SMC5: variants seen among roughly 807,000 people sequenced by gnomAD.
The protein encoded by SMC5 is structural maintenance of chromosomes protein 5.
SMC5 carries 88 observed loss-of-function variants against 148.3 expected under a neutral mutation model. The ratio of observed to expected loss-of-function variants is 0.59; its 90% CI spans 0.50 to 0.71. SMC5 has a LOEUF of 0.71. Among genes scored for constraint, SMC5 ranks in the 30% least tolerant of loss-of-function variants. The probability of loss-of-function intolerance (pLI) is 0.00; values close to 1 mark genes in which losing one functional copy is unlikely to be tolerated. For synonymous variants in SMC5, 421 were observed against 432.8 expected (o/e 0.97, Z 0.34); for missense variants, 1,142 against 1,298.9 (o/e 0.88, Z 1.86).
At chr9:70,268,243 G>A (rs1055391455) in intron 3 of SMC5, among the ~76,000 whole-genome samples, 1 of 152,050 alleles carries the variant, frequency 6.6e-6, no homozygotes, top group Non-Finnish European at 1.5e-5. Context: ...ATCAGGAGTT[G>A]GAGACCAGCC....
rs1236985686 is a variant in SMC5 at position 70,259,277 on chromosome 9, A to C, written c.185+14A>C. The C allele has an allele frequency of 3.8e-6, 6 of 1,559,446 alleles. No individual in the cohort carries two copies. In the African/African-American group the frequency reaches 8.2e-5, roughly 21 times the overall value. ...GGAGAACTTCCTGTAAGTTGCCCGG[A>C]GGCCGCGCCGCGGGTGTGGAGGTGT... On this transcript the variant is annotated intron_variant, in intron 1 of 24. Coordinates refer to ENST00000361138, the MANE Select transcript of SMC5 (RefSeq NM_015110.4).
rs1587727228 is a variant in SMC5 at position 70,352,508 on chromosome 9, G to A, written c.*177G>A. 3 of 569,694 alleles carry A rather than the reference G, an allele frequency of 5.3e-6. No homozygotes were observed. The highest frequency in any genetic ancestry group is 8.7e-6 in the Non-Finnish European group (3 of 344,290). 35.3% of individuals were successfully genotyped at this position (569,694 alleles called of 1,614,324 possible). A position where few individuals can be genotyped will look rare whatever the true frequency, so the allele number is the denominator to read the frequency against. On this transcript the variant is annotated 3_prime_UTR_variant, in exon 25 of 25. Coordinates refer to ENST00000361138, the MANE Select transcript of SMC5 (RefSeq NM_015110.4). ...AATGACCTTTCCAAAATAGCAGCTG[G>A]TAGTAAAAGTTAAGTCTTCTTCAGT...
intron 8 of SMC5, among the ~76,000 whole-genome samples, chr9:70,296,525 C>T (rs981805292): frequency 1.3e-5 from 2 of 150,808 alleles, no homozygotes; most frequent in South Asian, 2.1e-4. Context: ...TGCACTCCAG[C>T]CTGGGCAACA....
chr9:70,277,869 T>C (rs1412547742), intron 4 of SMC5, among the ~76,000 whole-genome samples: 2 of 151,988 alleles, frequency 1.3e-5, no homozygotes, highest in African/African-American at 4.8e-5. Flanking sequence ...TTTATAAGTA[T>C]ACCTTCTAAA....
chr9:70,347,047 C>CGGGCAA lies in SMC5; in HGVS notation c.2569-18_2569-13dup. 6.3e-7 allele frequency: 1 copy of CGGGCAA among 1,580,126 alleles called. No homozygotes were observed. The highest frequency in any genetic ancestry group is 8.7e-7 in the Non-Finnish European group (1 of 1,150,744). ...ACTGTTTTCATTGTATCTATAATGA[C>CGGGCAA]GGGCAATTTTTTTCTTAGGTTTTCC... is the stretch of plus-strand genomic sequence containing the variant. On this transcript the variant is annotated intron_variant, in intron 19 of 24. Coordinates refer to ENST00000361138, the MANE Select transcript of SMC5 (RefSeq NM_015110.4).
In SMC5 at chr9:70,347,146, G is replaced by A. The variant is rs755428418; in HGVS notation, c.2649G>A (p.Thr883=). The change falls in exon 20 of 25, where the codon ACG becomes ACA. Residue 883 remains threonine, a synonymous_variant. Coordinates refer to ENST00000361138, the MANE Select transcript of SMC5 (RefSeq NM_015110.4). ...TEERSRASCF[T]GLNPTIVQEY... ...AAAGATCAAGAGCTTCCTGCTTCAC[G>A]GGACTGAATCCTACAGTATGCCTGT... 15 of 1,613,590 alleles carry A rather than the reference G, an allele frequency of 9.3e-6. No homozygotes were observed. The highest frequency in any genetic ancestry group is 1.2e-5 in the Non-Finnish European group (14 of 1,179,790).
chr9:70,294,452 A>G (rs1423120887), intron 8 of SMC5, among the ~76,000 whole-genome samples: 1 of 152,206 alleles, frequency 6.6e-6, no homozygotes, highest in Non-Finnish European at 1.5e-5. Context: ...CCAGTGTGAC[A>G]TAAGAAGAAA....
At chr9:70,287,620 T>C (rs998075217) in intron 8 of SMC5, among the ~76,000 whole-genome samples, 4 of 152,188 alleles carry the variant, frequency 2.6e-5, no homozygotes, top group Admixed American at 2.6e-4. Context: ...CACCCCTTTT[T>C]CTATCCCTTT....
At chr9:70,337,118 C>T (rs11142375) in intron 17 of SMC5, among the ~76,000 whole-genome samples, 13,241 of 152,156 alleles carry the variant, frequency 0.087, 632 homozygotes, top group African/African-American at 0.14. Context: ...AGGTCCCTGC[C>T]ACAACACGTG....
At chr9:70,268,022 G>C (rs996142472) in intron 3 of SMC5, 47 bp downstream of exon 3, 2 of 1,438,964 alleles carry the variant, frequency 1.4e-6, no homozygotes, top group East Asian at 2.3e-5. Context: ...AAAATTCTTA[G>C]TTTATATTCA....
intron 1 of SMC5, among the ~76,000 whole-genome samples, chr9:70,262,015 G>A (rs1004767787): frequency 1.3e-5 from 2 of 152,210 alleles, no homozygotes; most frequent in African/African-American, 4.8e-5. Flanking sequence ...AAGGTAGCTG[G>A]AAGTGCAGAG....
Position 70,277,432 on chromosome 9 carries a change from T to C in SMC5, c.503T>C (p.Leu168Ser). ...ATAGTGGAAGAGAAAGTTGCAGCCT[T>C]AAATATTCAAGTGGGGAATCTTTGC... ...QKIVEEKVAA[L>S]NIQVGNLCQF... Residue 168 changes from leucine (L) to serine (S), a missense_variant, in exon 4 of 25, where the codon TTA becomes TCA. Physicochemically the swap from Leu to Ser is moderately radical, Grantham distance 145. Transcript: ENST00000361138. The C allele has an allele frequency of 6.2e-7, 1 of 1,600,874 alleles. No homozygotes were observed. Among genetic ancestry groups the C allele is most frequent in the Non-Finnish European group, 8.5e-7 (1 of 1,174,480 alleles).
At chr9:70,277,267 A>T (rs552208885) in intron 3 of SMC5, 43 bp from the exon 4 acceptor site, 7 of 1,327,490 alleles carry the variant, frequency 5.3e-6, no homozygotes, top group Non-Finnish European at 7.0e-6. Context: ...AAACTAATGT[A>T]TATATTTTGA....
chr9:70,297,424 A>G (rs545494943), intron 8 of SMC5, among the ~76,000 whole-genome samples: 7 of 152,348 alleles, frequency 4.6e-5, no homozygotes, highest in South Asian at 2.1e-4. Flanking sequence ...AAAAACTGAC[A>G]TACAACTAAT....
intron 1 of SMC5, among the ~76,000 whole-genome samples, chr9:70,260,296 G>A (rs1479840556): frequency 6.6e-6 from 1 of 152,098 alleles, no homozygotes; most frequent in Non-Finnish European, 1.5e-5. Flanking sequence ...TAGTAGACTC[G>A]CGGTTTCACC....
chr9:70,296,281 T>C (rs913582864), intron 8 of SMC5, among the ~76,000 whole-genome samples: 1 of 152,146 alleles, frequency 6.6e-6, no homozygotes, highest in Non-Finnish European at 1.5e-5. Context: ...AAAGAATATA[T>C]ATTCTACAGG....
At chr9:70,308,890 TC>T (rs766940330) in intron 11 of SMC5, among the ~76,000 whole-genome samples, 2 of 152,148 alleles carry the variant, frequency 1.3e-5, no homozygotes, top group Non-Finnish European at 2.9e-5. Flanking sequence ...TACATTGAAT[TC>T]TAGTACAGAC....
chr9:70,338,166 G>A (rs2036416039), intron 17 of SMC5, among the ~76,000 whole-genome samples: 1 of 151,884 alleles, frequency 6.6e-6, no homozygotes, highest in African/African-American at 2.4e-5. Context: ...ACAGGTGCAT[G>A]CCACACACCT....
At chr9:70,297,168 T>C (rs1218435972) in intron 8 of SMC5, among the ~76,000 whole-genome samples, 1 of 152,206 alleles carries the variant, frequency 6.6e-6, no homozygotes, top group Non-Finnish European at 1.5e-5. Context: ...ACAAAATTCA[T>C]TTATATTTCA....
Sources: allele counts gnomAD v4.1 joint callset (sites outside exome capture counted in the v4.1 genomes callset), GRCh38; gene constraint gnomAD v4.1.1; transcripts MANE v1.5; gene names NCBI Gene and HGNC (gene_info 2026-07-23, HGNC 2026-07-21).